The following CHCHD3 variants were observed in gnomAD, a reference collection of about 807,000 sequenced individuals.
CHCHD3 encodes the protein MICOS complex subunit MIC19.
CHCHD3 carries 20 observed loss-of-function variants against 38.2 expected under a neutral mutation model. That is an observed-to-expected ratio of 0.52 (90% CI 0.37 to 0.76). The LOEUF is 0.76. Ranked by LOEUF, CHCHD3 falls within the 30% of genes least tolerant of loss-of-function variation. CHCHD3 has a pLI of 0.00. For missense variants in CHCHD3, 245 were observed against 279.2 expected (o/e 0.88, Z 0.87); for synonymous variants, 82 against 100.0 (o/e 0.82, Z 1.07).
intron 5 of CHCHD3, among the ~76,000 whole-genome samples, chr7:132,843,260 T>G (rs1172533649): frequency 6.6e-6 from 1 of 151,920 alleles, no homozygotes; most frequent in Non-Finnish European, 1.5e-5. Context: ...TCAGAGTCAC[T>G]TATGGAGCTT....
chr7:132,905,241 G>C (rs1382086389), intron 4 of CHCHD3, among the ~76,000 whole-genome samples: 1 of 151,786 alleles, frequency 6.6e-6, no homozygotes, highest in Non-Finnish European at 1.5e-5. Context: ...AGAACTTAAA[G>C]TATAATAATA....
intron 5 of CHCHD3, among the ~76,000 whole-genome samples, chr7:132,882,893 C>T (rs1809102872): frequency 6.6e-6 from 1 of 152,138 alleles, no homozygotes; most frequent in Admixed American, 6.5e-5. Flanking sequence ...ACCCAAATCT[C>T]ATCTTGAATT....
chr7:132,996,757 T>C (rs1198928037), intron 3 of CHCHD3, among the ~76,000 whole-genome samples: 2 of 151,892 alleles, frequency 1.3e-5, no homozygotes, highest in Admixed American at 6.6e-5. Context: ...GCTGAGGGAG[T>C]GTGCTCACCA....
chr7:132,948,830 C>CT (rs1262793166), intron 4 of CHCHD3, among the ~76,000 whole-genome samples: 1 of 152,118 alleles, frequency 6.6e-6, no homozygotes, highest in Non-Finnish European at 1.5e-5. Flanking sequence ...TTGCTTTTCA[C>CT]TTTTCTCTTA....
intron 4 of CHCHD3, among the ~76,000 whole-genome samples, chr7:132,921,635 A>G (rs1562908867): frequency 6.6e-6 from 1 of 151,134 alleles, no homozygotes; most frequent in African/African-American, 2.4e-5. Flanking sequence ...ACACACAACA[A>G]CAACAACAAC....
intron 3 of CHCHD3, among the ~76,000 whole-genome samples, chr7:133,002,608 C>T (rs1400752479): frequency 6.6e-6 from 1 of 151,696 alleles, no homozygotes; most frequent in Non-Finnish European, 1.5e-5. Flanking sequence ...AAAAAAAACA[C>T]TCATATAAAA....
At chr7:133,073,361 A>G (rs1428284103) in intron 1 of CHCHD3, among the ~76,000 whole-genome samples, 1 of 152,092 alleles carries the variant, frequency 6.6e-6, no homozygotes, top group Non-Finnish European at 1.5e-5. Context: ...ACTGTTGTTG[A>G]TAAACTAATA....
chr7:132,862,126 AG>A (rs1348149900), intron 5 of CHCHD3, among the ~76,000 whole-genome samples: 16 of 151,850 alleles, frequency 1.1e-4, no homozygotes, highest in Non-Finnish European at 1.2e-4. Flanking sequence ...GGAAGGAAGG[AG>A]GGAAGAAAGA....
intron 4 of CHCHD3, among the ~76,000 whole-genome samples, chr7:132,933,364 C>T (rs1368008285): frequency 6.6e-6 from 1 of 152,192 alleles, no homozygotes; most frequent in African/African-American, 2.4e-5. Flanking sequence ...ATGCCATACA[C>T]ATCACGAGAA....
chr7:132,878,002 C>T (rs531944347), intron 5 of CHCHD3, among the ~76,000 whole-genome samples: 1 of 152,202 alleles, frequency 6.6e-6, no homozygotes, highest in African/African-American at 2.4e-5. Context: ...GAAAGCACGT[C>T]GCAGGGGGGA....
intron 4 of CHCHD3, among the ~76,000 whole-genome samples, chr7:132,937,104 A>G (rs1164781965): frequency 6.6e-6 from 1 of 152,202 alleles, no homozygotes; most frequent in Non-Finnish European, 1.5e-5. Flanking sequence ...CTTCTTAAAC[A>G]TGCTGGCAAC....
At chr7:133,014,612 AC>A (rs1391908657) in intron 3 of CHCHD3, among the ~76,000 whole-genome samples, 1 of 152,090 alleles carries the variant, frequency 6.6e-6, no homozygotes, top group African/African-American at 2.4e-5. Context: ...CAAGCCAAAA[AC>A]CCAGCATATC....
At chr7:133,028,781 A>G (rs1813418096) in intron 2 of CHCHD3, among the ~76,000 whole-genome samples, 1 of 151,758 alleles carries the variant, frequency 6.6e-6, no homozygotes, top group Non-Finnish European at 1.5e-5. Context: ...GCTACTCAGG[A>G]GGCTGAGGCA....
intron 3 of CHCHD3, 121 bp from the exon 4 acceptor site, chr7:132,975,407 T>C: frequency 2.6e-6 from 2 of 774,036 alleles, no homozygotes; most frequent in Non-Finnish European, 2.1e-6. Context: ...GCTGAAATCA[T>C]CTTGGCCCAT....
intron 5 of CHCHD3, among the ~76,000 whole-genome samples, chr7:132,863,269 A>C (rs1808538418): frequency 6.6e-6 from 1 of 152,170 alleles, no homozygotes; most frequent in South Asian, 2.1e-4. Flanking sequence ...GCAGGCATGA[A>C]ATTATTAATC....
intron 2 of CHCHD3, chr7:133,034,578 G>A (rs757226695): frequency 1.0e-5 from 15 of 1,457,268 alleles, no homozygotes; most frequent in Admixed American, 3.7e-5. Context: ...AAGGGCAGGT[G>A]CAGGCAGCTA....
At chr7:133,039,867 G>C (rs1455436971) in intron 2 of CHCHD3, among the ~76,000 whole-genome samples, 3 of 152,200 alleles carry the variant, frequency 2.0e-5, no homozygotes, top group African/African-American at 4.8e-5. Flanking sequence ...TGAATGAACA[G>C]GGTGCACGCA....
chr7:132,826,562 A>G (rs2117076880), intron 6 of CHCHD3, among the ~76,000 whole-genome samples: 1 of 152,310 alleles, frequency 6.6e-6, no homozygotes, highest in African/African-American at 2.4e-5. Flanking sequence ...CAGCAATTTA[A>G]CTATTGGCCA....
intron 2 of CHCHD3, among the ~76,000 whole-genome samples, chr7:133,055,620 ATG>A (rs907675121): frequency 6.8e-6 from 1 of 147,918 alleles, no homozygotes; most frequent in Non-Finnish European, 1.5e-5. Flanking sequence ...TAATTATAAC[ATG>A]TGTTATACAT....
Sources: gnomAD v4.1 joint callset for allele counts (sites outside exome capture counted in the v4.1 genomes callset) on GRCh38, gnomAD v4.1.1 for gene constraint, MANE v1.5 for transcripts, NCBI Gene and HGNC (gene_info 2026-07-23, HGNC 2026-07-21) for gene names.